DMXL2: variants seen among roughly 807,000 people sequenced by gnomAD.
The protein encoded by DMXL2 is Dmx like 2.
Under a neutral mutation model 331.1 loss-of-function variants are expected in DMXL2, and 103 were observed. That is an observed-to-expected ratio of 0.31 (90% CI 0.27 to 0.37). The LOEUF is 0.37. DMXL2 is among the 10% of genes least tolerant of loss of function. The pLI, the probability that DMXL2 is intolerant of heterozygous loss-of-function variation, is 1.00. For synonymous variants in DMXL2, 1,281 were observed against 1,252.1 expected, an observed-to-expected ratio of 1.02 and a Z score of -0.49; for missense variants, 3,171 against 3,642.9, an observed-to-expected ratio of 0.87 and a Z score of 3.33.
At chr15:51,455,081 T>G in intron 40 of DMXL2, 70 bp downstream of exon 40, 2 of 1,249,944 alleles carry the variant, frequency 1.6e-6, no homozygotes, top group African/African-American at 1.5e-5. Flanking sequence ...TGAGATTCAC[T>G]GTCTGAAACA....
chr15:51,501,694 G>A (rs1426678108), intron 17 of DMXL2, among the ~76,000 whole-genome samples: 2 of 152,080 alleles, frequency 1.3e-5, no homozygotes, highest in South Asian at 2.1e-4. Flanking sequence ...GGCCGAGTGG[G>A]CGGATCACAA....
intron 33 of DMXL2, among the ~76,000 whole-genome samples, chr15:51,461,982 T>G (rs1349667834): frequency 6.6e-6 from 1 of 152,186 alleles, no homozygotes; most frequent in Non-Finnish European, 1.5e-5. Flanking sequence ...CCTAACAAAG[T>G]CACATCAATA....
At chr15:51,461,321 G>A (rs938745278) in intron 33 of DMXL2, among the ~76,000 whole-genome samples, 1 of 152,150 alleles carries the variant, frequency 6.6e-6, no homozygotes, top group Non-Finnish European at 1.5e-5. Flanking sequence ...AAGCAAACTC[G>A]TGGGGAAGGG....
At position 51,565,081 on chromosome 15, in the gene DMXL2, TA is replaced by T; in HGVS notation, c.364+6del. 1 of 1,485,646 alleles carries T rather than the reference TA, an allele frequency of 6.7e-7. No homozygotes were observed. 92.0% of individuals were successfully genotyped at this position (1,485,646 alleles called of 1,614,324 possible). A position where few individuals can be genotyped will look rare whatever the true frequency, so the allele number is the denominator to read the frequency against. On this transcript the variant is annotated splice_donor_region_variant and intron_variant, in intron 4 of 43. Coordinates refer to ENST00000560891, the MANE Select transcript of DMXL2 (RefSeq NM_001378457.1). ...TTTAAATAATTTTAAATACAATTGC[TA>T]AATACCTTGAGGATCCCATGCTAAG...
intron 1 of DMXL2, among the ~76,000 whole-genome samples, chr15:51,600,538 T>C (rs1169815778): frequency 6.6e-6 from 1 of 152,152 alleles, no homozygotes; most frequent in Non-Finnish European, 1.5e-5. Flanking sequence ...GCACCCCTCT[T>C]CCTGTTGACC....
chr15:51,458,460 G>A (rs1355997636), intron 36 of DMXL2, 46 bp downstream of exon 36: 1 of 1,591,664 alleles, frequency 6.3e-7, no homozygotes, highest in South Asian at 1.1e-5. Flanking sequence ...CATTTGGTGG[G>A]TACTTCTTAC....
At chr15:51,451,849 G>T in intron 41 of DMXL2, 152 bp from the exon 42 acceptor site, 1 of 638,038 alleles carries the variant, frequency 1.6e-6, no homozygotes, top group Non-Finnish European at 2.8e-6. Context: ...TCCCAACTAG[G>T]ATGGGGGTAG....
intron 3 of DMXL2, 146 bp downstream of exon 3, chr15:51,568,341 G>C (rs1596288444): frequency 1.8e-6 from 1 of 562,864 alleles, no homozygotes; most frequent in South Asian, 2.6e-5. Context: ...TGAATGTAAG[G>C]ATCCTAACAT....
chr15:51,572,664 A>G (rs1337977571), intron 2 of DMXL2, among the ~76,000 whole-genome samples: 1 of 152,230 alleles, frequency 6.6e-6, no homozygotes, highest in Non-Finnish European at 1.5e-5. Flanking sequence ...CCATCACATA[A>G]AGAGAACCGA....
At chr15:51,543,111 T>A (rs1333387919) in intron 8 of DMXL2, among the ~76,000 whole-genome samples, 3 of 152,180 alleles carry the variant, frequency 2.0e-5, no homozygotes, top group Non-Finnish European at 4.4e-5. Flanking sequence ...TAAATCTATA[T>A]GATTAAAATT....
At chr15:51,544,234 G>A (rs967227228) in intron 8 of DMXL2, among the ~76,000 whole-genome samples, 2 of 152,140 alleles carry the variant, frequency 1.3e-5, no homozygotes, top group Admixed American at 6.5e-5. Context: ...GTCATGAGGC[G>A]GATCCCGCAT....
intron 23 of DMXL2, among the ~76,000 whole-genome samples, chr15:51,482,014 G>A (rs1183096407): frequency 1.3e-5 from 2 of 152,072 alleles, no homozygotes; most frequent in East Asian, 3.9e-4. Context: ...AAAGGGGAGA[G>A]CAAAACAGGG....
At chr15:51,573,097 T>G (rs1228378233) in intron 2 of DMXL2, among the ~76,000 whole-genome samples, 1 of 152,084 alleles carries the variant, frequency 6.6e-6, no homozygotes, top group Non-Finnish European at 1.5e-5. Flanking sequence ...AAAAAAAATG[T>G]TCGTCATCAC....
In DMXL2 at chr15:51,537,573, G is replaced by C; in HGVS notation, c.1532C>G (p.Thr511Arg). The change falls in exon 11 of 44, where the codon ACA becomes AGA. Residue 511 changes from threonine to arginine, a missense_variant. Physicochemically the swap from Thr to Arg is moderately conservative, Grantham distance 71. Transcript: ENST00000560891. ...EWNKNPDMLF[T>R]IHPVDGTFLV... ...AAAGGTACCATCTACAGGGTGTATT[G>C]TAAAAAGCATATCAGGATTCTTATT... 10 of 1,613,772 alleles carry C rather than the reference G, an allele frequency of 6.2e-6. No individual in the cohort carries two copies. The highest frequency in any genetic ancestry group is 7.6e-6 in the Non-Finnish European group (9 of 1,179,848).
intron 2 of DMXL2, among the ~76,000 whole-genome samples, chr15:51,573,040 T>A (rs187017421): frequency 6.6e-6 from 1 of 152,152 alleles, no homozygotes; most frequent in East Asian, 1.9e-4. Flanking sequence ...GAAAACCCCA[T>A]TGTCTCAGCC....
At chr15:51,563,160 G>A (rs1488657711) in intron 6 of DMXL2, among the ~76,000 whole-genome samples, 1 of 151,276 alleles carries the variant, frequency 6.6e-6, no homozygotes, top group Non-Finnish European at 1.5e-5. Context: ...ATAAGCCAAG[G>A]TCAAATAAGA....
At chr15:51,555,024 G>A (rs2049468212) in intron 6 of DMXL2, among the ~76,000 whole-genome samples, 1 of 152,082 alleles carries the variant, frequency 6.6e-6, no homozygotes, top group Non-Finnish European at 1.5e-5. Context: ...CAGGTGTGGT[G>A]GCACACGCTT....
intron 6 of DMXL2, among the ~76,000 whole-genome samples, chr15:51,548,917 C>CT (rs970253588): frequency 2.4e-4 from 35 of 147,884 alleles, no homozygotes; most frequent in African/African-American, 4.5e-4. Context: ...AAATTCCTAG[C>CT]TTTTTTTTTT....
chr15:51,502,821 C>T lies in DMXL2; in HGVS notation c.2977G>A (p.Ala993Thr). 1 of 1,613,872 alleles carries T rather than the reference C, an allele frequency of 6.2e-7. No homozygotes were observed. The highest frequency in any genetic ancestry group is 8.5e-7 in the Non-Finnish European group (1 of 1,179,778). The change falls in exon 17 of 44, where the codon GCA becomes ACA. Residue 993 changes from alanine (A) to threonine (T), a missense_variant. Transcript: ENST00000560891. Reference sequence around the variant, plus strand: ...GTGACCTTACCTGCTGAAGGCGTTGCTCTTATTACTTCAACTGATTCTGGG... The same window carrying T: ...GTGACCTTACCTGCTGAAGGCGTTGTTCTTATTACTTCAACTGATTCTGGG... Reference protein sequence around the residue: ...DLPESVEVIRATPSAGHLSSS... With the variant: ...DLPESVEVIRTTPSAGHLSSS...
Sources: allele counts gnomAD v4.1 joint callset (sites outside exome capture counted in the v4.1 genomes callset), GRCh38; gene constraint gnomAD v4.1.1; transcripts MANE v1.5; gene names NCBI Gene and HGNC (gene_info 2026-07-23, HGNC 2026-07-21).